The following SLC12A7 variants were observed in gnomAD, a reference collection of about 807,000 sequenced individuals.
The protein encoded by SLC12A7 is K-Cl cotransporter 4.
In SLC12A7, 100 loss-of-function variants were observed where a neutral mutation model predicts 120.6. The ratio of observed to expected loss-of-function variants is 0.83; its 90% CI spans 0.71 to 0.98. The LOEUF (loss-of-function observed/expected upper bound fraction) is 0.98, where lower values mean the gene tolerates loss of function less well. Ranked by LOEUF, SLC12A7 falls within the 50% of genes least tolerant of loss-of-function variation. The pLI is 0.00. For missense variants in SLC12A7, 1,373 were observed against 1,548.1 expected (o/e 0.89, Z 1.90); for synonymous variants, 760 against 678.0 (o/e 1.12, Z -1.88).
At chr5:1,120,503 T>G in the SLC12A7 span, among the ~76,000 whole-genome samples, 1 of 152,246 alleles carries the variant, frequency 6.6e-6, no homozygotes, top group Non-Finnish European at 1.5e-5. Flanking sequence ...TCACAGCCGC[T>G]GTACCTCCCC....
At chr5:1,083,659 T>G (rs1579386065) in intron 8 of SLC12A7, 86 bp downstream of exon 8, 4 of 1,380,516 alleles carry the variant, frequency 2.9e-6, no homozygotes, top group Non-Finnish European at 2.0e-6. Flanking sequence ...GCCCTGAGAG[T>G]GACTCTAAGG....
At chr5:1,053,806 G>A (rs1005345263) in intron 22 of SLC12A7, among the ~76,000 whole-genome samples, 3 of 152,220 alleles carry the variant, frequency 2.0e-5, no homozygotes, top group African/African-American at 7.2e-5. Flanking sequence ...ATCTACATCT[G>A]CAAAGCAGGC....
chr5:1,134,504 T>C, the SLC12A7 span, among the ~76,000 whole-genome samples: 1 of 151,900 alleles, frequency 6.6e-6, no homozygotes, highest in Non-Finnish European at 1.5e-5. Context: ...TGAAGACGGC[T>C]ACTATCAAAA....
chr5:1,078,836 G>C, intron 10 of SLC12A7, 78 bp from the exon 11 acceptor site: 1 of 625,746 alleles, frequency 1.6e-6, no homozygotes, highest in Non-Finnish European at 2.9e-6. Context: ...GGTGGGGTGG[G>C]GTGGGTGGGG....
At chr5:1,098,210 C>T (rs889555226) in intron 1 of SLC12A7, among the ~76,000 whole-genome samples, 5 of 111,814 alleles carry the variant, frequency 4.5e-5, no homozygotes, top group East Asian at 3.3e-4. Context: ...ACCCTCTGCA[C>T]ACCCAGCCCC....
the SLC12A7 span, among the ~76,000 whole-genome samples, chr5:1,149,108 AG>A: frequency 2.5e-4 from 18 of 72,796 alleles, no homozygotes; most frequent in African/African-American, 4.1e-4. Context: ...TACACCCAGA[AG>A]GGGGACTGTG....
rs540642525 is a variant in SLC12A7, at chr5:1,083,983, G to T, written c.918-27C>A. ...TGGGCGGGACAGGGAGGCACGGCAC[G>T]TGTGCTGCCACCGAAGTGGCTTTTA... is the stretch of plus-strand genomic sequence containing the variant. On this transcript the variant is annotated intron_variant, in intron 7 of 23. Coordinates refer to ENST00000264930, the MANE Select transcript of SLC12A7 (RefSeq NM_006598.3). The T allele has an allele frequency of 2.5e-6, 4 of 1,589,504 alleles. No individual in the cohort carries two copies. The South Asian group carries it at 3.3e-5, about 13-fold the overall frequency.
intron 17 of SLC12A7, among the ~76,000 whole-genome samples, chr5:1,066,484 T>C (rs1013881477): frequency 6.6e-6 from 1 of 152,174 alleles, no homozygotes; most frequent in Non-Finnish European, 1.5e-5. Context: ...GTGGCAGATA[T>C]GAATTTTAGG....
At chr5:1,073,550 C>G in intron 17 of SLC12A7, 83 bp downstream of exon 17, 1 of 1,415,642 alleles carries the variant, frequency 7.1e-7, no homozygotes, top group East Asian at 2.5e-5. Context: ...TGTTGACACG[C>G]TGCGATGAGG....
At chr5:1,134,222 C>A in the SLC12A7 span, among the ~76,000 whole-genome samples, 2 of 152,138 alleles carry the variant, frequency 1.3e-5, no homozygotes, top group Non-Finnish European at 2.9e-5. Flanking sequence ...GTAATCCCAG[C>A]ACTTTTGGAG....
chr5:1,111,722 G>T, intron 1 of SLC12A7, 146 bp downstream of exon 1: 1 of 846,388 alleles, frequency 1.2e-6, no homozygotes, highest in Non-Finnish European at 1.5e-6. Context: ...GGGCCCTCGT[G>T]GGGGACCGAG....
the SLC12A7 span, among the ~76,000 whole-genome samples, chr5:1,153,667 CCTGAGGA>C: frequency 4.6e-5 from 7 of 152,218 alleles, no homozygotes; most frequent in Admixed American, 2.6e-4. Context: ...ACAAACAAGG[CCTGAGGA>C]CGCCCGAGAA....
At chr5:1,096,499 C>T (rs1019988048) in intron 1 of SLC12A7, among the ~76,000 whole-genome samples, 2 of 151,774 alleles carry the variant, frequency 1.3e-5, no homozygotes, top group Non-Finnish European at 2.9e-5. Flanking sequence ...CATCCAGGGC[C>T]CTTCCCCACT....
At chr5:1,111,379 G>A (rs970687899) in intron 1 of SLC12A7, among the ~76,000 whole-genome samples, 2 of 152,290 alleles carry the variant, frequency 1.3e-5, no homozygotes, top group South Asian at 4.1e-4. Flanking sequence ...TTCCGCCTCT[G>A]GGGGGTGGGC....
At chr5:1,088,568 A>G (rs950939701) in intron 4 of SLC12A7, among the ~76,000 whole-genome samples, 1 of 152,028 alleles carries the variant, frequency 6.6e-6, no homozygotes, top group African/African-American at 2.4e-5. Flanking sequence ...CCCTTCCCCT[A>G]TGACAGCGAC....
chr5:1,149,321 A>C, the SLC12A7 span, among the ~76,000 whole-genome samples: 1 of 152,230 alleles, frequency 6.6e-6, no homozygotes, highest in Non-Finnish European at 1.5e-5. Flanking sequence ...TCACACCTGT[A>C]ATCCCAGCAC....
At chr5:1,094,653 T>C (rs1740904353) in intron 1 of SLC12A7, among the ~76,000 whole-genome samples, 1 of 152,214 alleles carries the variant, frequency 6.6e-6, no homozygotes, top group African/African-American at 2.4e-5. Context: ...CCCTCTGGCG[T>C]TGAAAATCTC....
intron 18 of SLC12A7, 78 bp from the exon 19 acceptor site, chr5:1,064,330 T>C (rs1318486857): frequency 2.7e-6 from 4 of 1,503,194 alleles, no homozygotes; most frequent in South Asian, 1.3e-5. Context: ...TCACAGCCAG[T>C]GCAGGGGCGG....
chr5:1,127,660 C>G, the SLC12A7 span, among the ~76,000 whole-genome samples: 28 of 152,268 alleles, frequency 1.8e-4, no homozygotes, highest in East Asian at 5.4e-3. Flanking sequence ...GACACATTCT[C>G]CAAAATCCAT....
Sources: gnomAD v4.1 joint callset for allele counts (sites outside exome capture counted in the v4.1 genomes callset) on GRCh38, gnomAD v4.1.1 for gene constraint, MANE v1.5 for transcripts, NCBI Gene and HGNC (gene_info 2026-07-23, HGNC 2026-07-21) for gene names.